The following MYO16 variants were observed in gnomAD, a reference collection of about 807,000 sequenced individuals.
The protein encoded by MYO16 is myosin XVI.
A neutral mutation model predicts 205.3 loss-of-function variants in MYO16; 94 were observed. That is an observed-to-expected ratio of 0.46 (90% confidence interval 0.39 to 0.54). MYO16 has a LOEUF of 0.54. Among genes scored for constraint, MYO16 ranks in the 20% least tolerant of loss-of-function variants. The pLI is 0.00. For missense variants in MYO16, 2,315 were observed against 2,387.5 expected, an observed-to-expected ratio of 0.97 and a Z score of 0.63; for synonymous variants, 988 against 954.0, an observed-to-expected ratio of 1.04 and a Z score of -0.66.
At position 109,141,513 on chromosome 13, in the gene MYO16, C is replaced by T; in HGVS notation, c.5164+137C>T. 1 of 553,532 alleles carries T rather than the reference C, an allele frequency of 1.8e-6. No homozygotes were observed. The highest frequency in any genetic ancestry group is 2.9e-6 in the Non-Finnish European group (1 of 350,142). 34.3% of individuals were successfully genotyped at this position (553,532 alleles called of 1,614,324 possible). ...CGTGGTCGTTCAGAGCAGATATCAGCTTTAAAAAAAAATCGTATACACCCA... is the reference window on the plus strand; with the variant it reads ...CGTGGTCGTTCAGAGCAGATATCAGTTTTAAAAAAAAATCGTATACACCCA... On this transcript the variant is annotated intron_variant, in intron 32 of 34. Transcript: ENST00000457511. This position sits in a 1 kb window ranked among gnomAD's most constrained non-coding sequence, Gnocchi z 4.1.
chr13:108,704,689 A>C (rs1883436031), intron 2 of MYO16, among the ~76,000 whole-genome samples: 1 of 152,122 alleles, frequency 6.6e-6, no homozygotes, highest in African/African-American at 2.4e-5. Context: ...GACACAACCT[A>C]ATCACCCAAA....
intron 32 of MYO16, among the ~76,000 whole-genome samples, chr13:109,148,585 A>C (rs149652542): frequency 6.6e-6 from 1 of 152,348 alleles, no homozygotes; most frequent in Non-Finnish European, 1.5e-5. Context: ...TTCTAACCTG[A>C]GGGCCATAAA....
chr13:108,742,513 C>A (rs953936522), intron 4 of MYO16, among the ~76,000 whole-genome samples: 1 of 151,852 alleles, frequency 6.6e-6, no homozygotes, highest in African/African-American at 2.4e-5. Context: ...TTTTATTTTA[C>A]AGTTTATATA....
chr13:108,740,185 G>A (rs796706324), intron 4 of MYO16, among the ~76,000 whole-genome samples: 1 of 12,684 alleles, frequency 7.9e-5, no homozygotes, highest in Non-Finnish European at 3.4e-4. Context: ...GCAAGGAGCT[G>A]TGTTCCTTTG....
At chr13:108,577,166 T>A in the MYO16 span, among the ~76,000 whole-genome samples, 1 of 152,216 alleles carries the variant, frequency 6.6e-6, no homozygotes, top group Non-Finnish European at 1.5e-5. Context: ...TTTAATGCAA[T>A]ATGACATTTC....
intron 9 of MYO16, among the ~76,000 whole-genome samples, chr13:108,829,013 CA>C (rs1876448668): frequency 6.6e-6 from 1 of 152,154 alleles, no homozygotes; most frequent in African/African-American, 2.4e-5. Context: ...AGTAGTTTGT[CA>C]AACCTCAGGG....
chr13:108,886,712 C>T (rs1343640460), intron 13 of MYO16, among the ~76,000 whole-genome samples: 5 of 151,888 alleles, frequency 3.3e-5, no homozygotes, highest in Non-Finnish European at 5.9e-5. Context: ...GCAAAGCCCC[C>T]TGTGCAAGTT....
chr13:109,019,788 A>G lies in MYO16; in HGVS notation c.2673A>G (p.Lys891=), dbSNP rs756582145. ...IWSVESNFPK[K]LQSLLESSNT... ...CAGTGGAATCAAATTTTCCAAAAAAACTACAAAGTCTCCTAGAATCCTCAA... is the reference window on the plus strand; with the variant it reads ...CAGTGGAATCAAATTTTCCAAAAAAGCTACAAAGTCTCCTAGAATCCTCAA... Residue 891 remains lysine, a synonymous_variant, in exon 23 of 35, where the codon AAA becomes AAG. Coordinates refer to ENST00000457511, the MANE Select transcript of MYO16 (RefSeq NM_001198950.3). The G allele has an allele frequency of 6.2e-7, 1 of 1,614,154 alleles. No individual in the cohort carries two copies. Among genetic ancestry groups the G allele is most frequent in the Non-Finnish European group, 8.5e-7 (1 of 1,180,002 alleles).
intron 2 of MYO16, among the ~76,000 whole-genome samples, chr13:108,708,379 T>C (rs1219239758): frequency 1.3e-5 from 2 of 152,234 alleles, no homozygotes; most frequent in African/African-American, 4.8e-5. Context: ...ATTGATGTTT[T>C]CATTATCATT....
At position 108,661,342 on chromosome 13, in the gene MYO16, G is replaced by T. The variant is rs150202572; in HGVS notation, c.29-4544G>T. The stretch of plus-strand genomic sequence containing the variant: ...GATGTCTAGGTCTCTCTCAAGGCTG[G>T]GGAAATTTTCATCAATTATTCCTCC... On this transcript the variant is annotated intron_variant, in intron 1 of 34. Coordinates refer to ENST00000457511, the MANE Select transcript of MYO16 (RefSeq NM_001198950.3). Among the ~76,000 whole-genome samples the T allele has an allele frequency of 2.0e-5, 3 of 152,014 alleles. No homozygotes were observed. The East Asian group carries it at 5.8e-4, about 29-fold the overall frequency.
At chr13:108,572,570 G>A in the MYO16 span, among the ~76,000 whole-genome samples, 2 of 152,136 alleles carry the variant, frequency 1.3e-5, no homozygotes, top group East Asian at 3.9e-4. Context: ...CACAGTCTAG[G>A]AAGACAGTGC....
intron 7 of MYO16, among the ~76,000 whole-genome samples, chr13:108,813,014 C>T (rs1887342143): frequency 6.6e-6 from 1 of 151,944 alleles, no homozygotes; most frequent in Non-Finnish European, 1.5e-5. Flanking sequence ...ATTATAGCTA[C>T]ACAAATACAA....
At chr13:108,562,007 A>C in the MYO16 span, among the ~76,000 whole-genome samples, 1 of 152,198 alleles carries the variant, frequency 6.6e-6, no homozygotes, top group African/African-American at 2.4e-5. Flanking sequence ...TTCCCAAGTA[A>C]GCTTTTTCAC....
At chr13:109,080,510 C>T (rs1414551470) in intron 27 of MYO16, among the ~76,000 whole-genome samples, 1 of 151,242 alleles carries the variant, frequency 6.6e-6, no homozygotes, top group African/African-American at 2.4e-5. Flanking sequence ...CTTTAATGAC[C>T]ACATGGTCAA....
intron 6 of MYO16, among the ~76,000 whole-genome samples, chr13:108,793,873 C>G (rs185848409): frequency 3.3e-5 from 5 of 152,116 alleles, no homozygotes; most frequent in Non-Finnish European, 7.3e-5. Flanking sequence ...CATAGACACA[C>G]GCATGCGTAT....
At chr13:109,019,587 C>G (rs1885949791) in intron 22 of MYO16, 124 bp from the exon 23 acceptor site, 1 of 715,310 alleles carries the variant, frequency 1.4e-6, no homozygotes, top group Non-Finnish European at 2.3e-6. Flanking sequence ...AAGGTAAAGA[C>G]TGATTCATTT....
chr13:108,834,945 A>C (rs933327528), intron 9 of MYO16, among the ~76,000 whole-genome samples: 4 of 147,338 alleles, frequency 2.7e-5, no homozygotes, highest in South Asian at 2.1e-4. Context: ...TTGTTAAAGA[A>C]AGAGAGAAAC....
chr13:108,769,803 T>G (rs535860120), intron 4 of MYO16, among the ~76,000 whole-genome samples: 2 of 152,030 alleles, frequency 1.3e-5, no homozygotes, highest in Non-Finnish European at 2.9e-5. Flanking sequence ...TATCTGGGGC[T>G]AAGTAACTAG....
intron 15 of MYO16, among the ~76,000 whole-genome samples, chr13:108,907,523 G>A (rs374767964): frequency 2.6e-5 from 4 of 152,070 alleles, no homozygotes; most frequent in African/African-American, 4.8e-5. Flanking sequence ...CATTTTTACC[G>A]TTTCACTTCA....
Sources: gnomAD v4.1 joint callset for allele counts (sites outside exome capture counted in the v4.1 genomes callset) on GRCh38, gnomAD v4.1.1 for gene constraint, Gnocchi (gnomAD v3.1) non-coding constraint, MANE v1.5 for transcripts, NCBI Gene and HGNC (gene_info 2026-07-23, HGNC 2026-07-21) for gene names.